Variants in HMGCLL1 observed in about 807,000 individuals in gnomAD.
HMGCLL1 encodes the protein 3-hydroxy-3-methylglutaryl-CoA lyase like 1.
In HMGCLL1, 36 loss-of-function variants were observed where a neutral mutation model predicts 39.1. The ratio of observed to expected loss-of-function variants is 0.92; its 90% CI spans 0.71 to 1.22. The LOEUF (loss-of-function observed/expected upper bound fraction) is 1.22, where lower values mean the gene tolerates loss of function less well. Among genes scored for constraint, HMGCLL1 ranks in the 50% most tolerant of loss-of-function variants. HMGCLL1 has a pLI of 0.00. For synonymous variants in HMGCLL1, 149 were observed against 144.0 expected, an observed-to-expected ratio of 1.03 and a Z score of -0.25; for missense variants, 451 against 416.5, an observed-to-expected ratio of 1.08 and a Z score of -0.72.
intron 1 of HMGCLL1, among the ~76,000 whole-genome samples, chr6:55,552,318 G>A (rs976344239): frequency 6.6e-6 from 1 of 151,922 alleles, no homozygotes; most frequent in Non-Finnish European, 1.5e-5. Context: ...ATTCAATATG[G>A]CAGTTTTTCA....
At chr6:55,530,688 T>A (rs1050929330) in intron 3 of HMGCLL1, among the ~76,000 whole-genome samples, 9 of 152,150 alleles carry the variant, frequency 5.9e-5, no homozygotes, top group African/African-American at 2.2e-4. Context: ...AAATCCATTG[T>A]CTAATGTGAT....
intron 1 of HMGCLL1, among the ~76,000 whole-genome samples, chr6:55,565,834 A>G (rs776622312): frequency 6.6e-6 from 1 of 152,110 alleles, no homozygotes; most frequent in Non-Finnish European, 1.5e-5. Flanking sequence ...CTGAGTAACT[A>G]TATCTGTTTC....
the HMGCLL1 span, among the ~76,000 whole-genome samples, chr6:55,622,037 A>G: frequency 1.3e-5 from 2 of 152,164 alleles, no homozygotes; most frequent in African/African-American, 4.8e-5. Context: ...ATTTGTATCT[A>G]TTAAAGTGGT....
intron 5 of HMGCLL1, among the ~76,000 whole-genome samples, chr6:55,510,560 A>G (rs1162435702): frequency 6.9e-6 from 1 of 145,346 alleles, no homozygotes; most frequent in Non-Finnish European, 1.5e-5. Context: ...CAAACACCGC[A>G]TGTTCTCACT....
At chr6:55,615,966 C>A in the HMGCLL1 span, among the ~76,000 whole-genome samples, 3 of 152,152 alleles carry the variant, frequency 2.0e-5, no homozygotes, top group Admixed American at 6.6e-5. Context: ...ACAGTTGTAG[C>A]CACACTTACA....
At chr6:55,548,787 T>A (rs1198665099) in intron 1 of HMGCLL1, among the ~76,000 whole-genome samples, 1 of 149,906 alleles carries the variant, frequency 6.7e-6, no homozygotes, top group Non-Finnish European at 1.5e-5. Flanking sequence ...TTAGAGAATA[T>A]TAAGTAATAG....
chr6:55,589,955 A>G, the HMGCLL1 span, among the ~76,000 whole-genome samples: 2 of 152,178 alleles, frequency 1.3e-5, no homozygotes, highest in Non-Finnish European at 2.9e-5. Context: ...AAGAATCAAT[A>G]TCGTGAAAAT....
At chr6:55,647,091 C>A in the HMGCLL1 span, among the ~76,000 whole-genome samples, 4 of 151,944 alleles carry the variant, frequency 2.6e-5, no homozygotes, top group Non-Finnish European at 4.4e-5. Context: ...TATATACTTA[C>A]AATCAATGTA....
the HMGCLL1 span, among the ~76,000 whole-genome samples, chr6:55,674,547 T>C: frequency 6.6e-6 from 1 of 152,070 alleles, no homozygotes; most frequent in African/African-American, 2.4e-5. Context: ...TTACCTTTCC[T>C]CCATGTTATT....
At chr6:55,520,890 A>T (rs1056530432) in intron 3 of HMGCLL1, among the ~76,000 whole-genome samples, 4 of 149,094 alleles carry the variant, frequency 2.7e-5, no homozygotes, top group Non-Finnish European at 1.5e-5. Flanking sequence ...AAAAAAAAAA[A>T]TAGGCCTACC....
At chr6:55,606,372 G>C in the HMGCLL1 span, among the ~76,000 whole-genome samples, 1 of 152,006 alleles carries the variant, frequency 6.6e-6, no homozygotes, top group Non-Finnish European at 1.5e-5. Flanking sequence ...ATCTTGGACA[G>C]ACAACCAGAC....
chr6:55,539,833 T>C (rs768902747), intron 3 of HMGCLL1, among the ~76,000 whole-genome samples: 2 of 130,616 alleles, frequency 1.5e-5, no homozygotes, highest in Non-Finnish European at 3.2e-5. Flanking sequence ...AAACCTGCAC[T>C]TGTACCCCTA....
intron 7 of HMGCLL1, among the ~76,000 whole-genome samples, chr6:55,484,688 T>G (rs1043892113): frequency 1.1e-4 from 17 of 152,296 alleles, no homozygotes; most frequent in Middle Eastern, 3.4e-3. Context: ...TAATTCATCA[T>G]GAAATCAATT....
Position 55,567,688 on chromosome 6 carries a change from C to A in HMGCLL1, c.108+11260G>T, listed in dbSNP as rs992971935. Among the ~76,000 whole-genome samples, 42 of 152,240 alleles carry A rather than the reference C, an allele frequency of 2.8e-4. 1 individual carries two copies. Among genetic ancestry groups the A allele is most frequent in the African/African-American group, 9.9e-4 (41 of 41,560 alleles). On this transcript the variant is annotated intron_variant, in intron 1 of 8. Transcript: ENST00000274901. ...ATGGAGAACTGAACTTTCAAAGGAA[C>A]ACAGCAATGAAGAATGAAAATGTGG...
At chr6:55,536,900 T>C (rs1769066927) in intron 3 of HMGCLL1, among the ~76,000 whole-genome samples, 1 of 152,060 alleles carries the variant, frequency 6.6e-6, no homozygotes, top group Non-Finnish European at 1.5e-5. Flanking sequence ...AATCTAAACA[T>C]CAACTAGAGG....
At chr6:55,521,416 T>C (rs1301621595) in intron 3 of HMGCLL1, among the ~76,000 whole-genome samples, 2 of 152,154 alleles carry the variant, frequency 1.3e-5, no homozygotes, top group African/African-American at 4.8e-5. Context: ...GGTACTGTGT[T>C]TTTTACAAAT....
intron 3 of HMGCLL1, among the ~76,000 whole-genome samples, chr6:55,531,131 T>C (rs1768642113): frequency 2.0e-5 from 3 of 152,208 alleles, no homozygotes. Context: ...GTCGTAACTA[T>C]GGCACACTGG....
the HMGCLL1 span, among the ~76,000 whole-genome samples, chr6:55,653,674 GC>G: frequency 6.6e-6 from 1 of 151,890 alleles, no homozygotes; most frequent in African/African-American, 2.4e-5. Context: ...TCAGCCACAG[GC>G]AGAGCCCTTA....
the HMGCLL1 span, among the ~76,000 whole-genome samples, chr6:55,644,803 C>G: frequency 6.6e-6 from 1 of 151,858 alleles, no homozygotes; most frequent in Admixed American, 6.6e-5. Flanking sequence ...TACTATAACT[C>G]TGTAGTATTA....
Sources: allele counts gnomAD v4.1 joint callset (sites outside exome capture counted in the v4.1 genomes callset), GRCh38; gene constraint gnomAD v4.1.1; transcripts MANE v1.5; gene names NCBI Gene and HGNC (gene_info 2026-07-23, HGNC 2026-07-21).